The following CLEC3B variants were observed in gnomAD, a reference collection of about 807,000 sequenced individuals.
The protein encoded by CLEC3B is tetranectin.
Under a neutral mutation model 15.4 loss-of-function variants are expected in CLEC3B, and 13 were observed. The observed-to-expected ratio is 0.84, with a 90% CI of 0.55 to 1.34. CLEC3B has a LOEUF of 1.34. Among genes scored for constraint, CLEC3B ranks in the 40% most tolerant of loss-of-function variants. The pLI, the probability that CLEC3B is intolerant of heterozygous loss-of-function variation, is 0.00. For synonymous variants in CLEC3B, 112 were observed against 114.7 expected (o/e 0.98, Z 0.15); for missense variants, 242 against 268.6 (o/e 0.90, Z 0.69).
chr3:45,030,225 G>T lies in CLEC3B; in HGVS notation c.110-602G>T, dbSNP rs1057221531. ...AGTAGCTGTGATGGGCACACACTCA[G>T]CCAAGCACTGAGGTAGGCAGCTCTG... On this transcript the variant is annotated intron_variant, in intron 1 of 2. Transcript: ENST00000296130. 2.5e-5 allele frequency: 25 copies of T among 986,206 alleles called. No homozygotes were observed. The African/African-American group carries it at 4.4e-4, about 17-fold the overall frequency. The allele number at this position is 986,206 out of a possible 1,614,324, so 61.1% of individuals were successfully genotyped here.
intron 1 of CLEC3B, among the ~76,000 whole-genome samples, chr3:45,028,045 A>G (rs1340285957): frequency 1.3e-5 from 2 of 152,140 alleles, no homozygotes; most frequent in Non-Finnish European, 2.9e-5. Context: ...TTCCAGGGCT[A>G]CAGGCCAACA....
At chr3:45,027,939 A>G (rs9817054) in intron 1 of CLEC3B, among the ~76,000 whole-genome samples, 20,698 of 152,034 alleles carry the variant, frequency 0.14, 1,820 homozygotes, top group African/African-American at 0.25. Context: ...CTCATGTTAA[A>G]AAAAAAAGGG....
rs1697483913 is a variant in CLEC3B, at chr3:45,026,380, C to T, written c.18C>T (p.Ala6=). The T allele has an allele frequency of 3.7e-6, 6 of 1,613,880 alleles. No individual in the cohort carries two copies. Among genetic ancestry groups the T allele is most frequent in the Non-Finnish European group, 4.2e-6 (5 of 1,179,994 alleles). MELWG[A]YLLLCLFSLL... ...GCAGCAGCATGGAGCTCTGGGGGGC[C>T]TACCTCCTCCTCTGCCTCTTCTCCC... The change falls in exon 1 of 3, where the codon GCC becomes GCT. Residue 6 remains alanine, a synonymous_variant. Coordinates refer to ENST00000296130, the MANE Select transcript of CLEC3B (RefSeq NM_003278.3).
At chr3:45,030,684 A>G in intron 1 of CLEC3B, 143 bp from the exon 2 acceptor site, 2 of 621,406 alleles carry the variant, frequency 3.2e-6, no homozygotes, top group South Asian at 3.9e-5. Flanking sequence ...TAATTAGACT[A>G]CCACCAGCAA....
In CLEC3B at chr3:45,035,760, G is replaced by A. The variant is rs150574610; in HGVS notation, c.445G>A (p.Gly149Ser). Residue 149 changes from glycine to serine, a missense_variant, in exon 3 of 3, where the codon GGC becomes AGC. Gly to Ser is a moderately conservative substitution (Grantham distance 56). Coordinates refer to ENST00000296130, the MANE Select transcript of CLEC3B (RefSeq NM_003278.3). ...CGAGGGCACCTGGGTGGACATGACC[G>A]GCGCCCGCATCGCCTACAAGAACTG... ...AAEGTWVDMTGARIAYKNWET... is the reference protein window; with the variant it reads ...AAEGTWVDMTSARIAYKNWET... The A allele has an allele frequency of 5.1e-5, 82 of 1,613,712 alleles. No homozygotes were observed. Among genetic ancestry groups the A allele is most frequent in the Non-Finnish European group, 6.3e-5 (74 of 1,179,974 alleles).
intron 1 of CLEC3B, among the ~76,000 whole-genome samples, chr3:45,029,836 A>G (rs760125573): frequency 1.3e-5 from 2 of 152,168 alleles, no homozygotes; most frequent in Non-Finnish European, 2.9e-5. Flanking sequence ...TTACACACAC[A>G]TAGAAATATG....
At position 45,036,022 on chromosome 3, in the gene CLEC3B, G is replaced by T. The variant is rs1697640909; in HGVS notation, c.*98G>T. ...CTTGCAGCCCCCATCCTCTCCGTGC[G>T]CTTGGAGCCTCTTTTTGCAAATAAA... On this transcript the variant is annotated 3_prime_UTR_variant, in exon 3 of 3. Transcript: ENST00000296130. The T allele has an allele frequency of 1.5e-6, 2 of 1,316,376 alleles. No individual in the cohort carries two copies. The highest frequency in any genetic ancestry group is 3.0e-5 in the African/African-American group (2 of 67,504). 81.5% of individuals were successfully genotyped at this position (1,316,376 alleles called of 1,614,324 possible).
intron 1 of CLEC3B, among the ~76,000 whole-genome samples, chr3:45,029,813 C>T (rs968370411): frequency 5.3e-5 from 8 of 152,168 alleles, no homozygotes; most frequent in Non-Finnish European, 7.3e-5. Context: ...ATATGCTTCC[C>T]GGCACCCTCA....
chr3:45,031,972 G>A (rs146124870), intron 2 of CLEC3B, among the ~76,000 whole-genome samples: 80 of 151,804 alleles, frequency 5.3e-4, no homozygotes, highest in African/African-American at 1.9e-3. Context: ...CAGCACACCC[G>A]TGCAGTGGTC....
intron 1 of CLEC3B, among the ~76,000 whole-genome samples, chr3:45,029,747 T>C (rs1697529148): frequency 6.6e-6 from 1 of 152,172 alleles, no homozygotes; most frequent in African/African-American, 2.4e-5. Flanking sequence ...GAAGCCCTGG[T>C]GTTTCAGAAA....
chr3:45,030,467 C>G (rs1178423271), intron 1 of CLEC3B, among the ~76,000 whole-genome samples: 1 of 152,188 alleles, frequency 6.6e-6, no homozygotes, highest in African/African-American at 2.4e-5. Context: ...CTGGGGGCTT[C>G]TTGAGGGCTC....
At chr3:45,030,279 G>A in intron 1 of CLEC3B, 3 of 945,608 alleles carry the variant, frequency 3.2e-6, no homozygotes, top group Non-Finnish European at 3.8e-6. Context: ...CTTCTCCAGA[G>A]TCCTAGGAGG....
At chr3:45,030,244 AG>A in intron 1 of CLEC3B, 1 of 985,564 alleles carries the variant, frequency 1.0e-6, no homozygotes, top group Non-Finnish European at 1.2e-6. Flanking sequence ...TGAGGTAGGC[AG>A]CTCTGCGTTT....
intron 2 of CLEC3B, 92 bp downstream of exon 2, chr3:45,031,017 A>T: frequency 1.1e-6 from 1 of 873,268 alleles, no homozygotes; most frequent in South Asian, 1.6e-5. Flanking sequence ...TCCGTTCAGC[A>T]TCAGGGTCCT....
intron 1 of CLEC3B, chr3:45,030,046 A>G (rs6805138): frequency 0.99 from 514,112 of 520,168 alleles, 254,364 homozygotes; most frequent in East Asian, 1. Context: ...GGGTTTCCTC[A>G]TGGTGAAATG....
intron 1 of CLEC3B, 120 bp downstream of exon 1, chr3:45,026,591 A>G (rs1697488909): frequency 2.3e-6 from 2 of 864,058 alleles, no homozygotes; most frequent in Admixed American, 4.5e-5. Flanking sequence ...GAACTTGAGT[A>G]AAGTGGGCTT....
chr3:45,030,395 C>A (rs781259915), intron 1 of CLEC3B, among the ~76,000 whole-genome samples: 8 of 152,204 alleles, frequency 5.3e-5, no homozygotes, highest in African/African-American at 1.9e-4. Context: ...CCTGCATATG[C>A]GTGCCCCAGG....
At chr3:45,029,705 C>A (rs1009887534) in intron 1 of CLEC3B, among the ~76,000 whole-genome samples, 1 of 152,188 alleles carries the variant, frequency 6.6e-6, no homozygotes, top group African/African-American at 2.4e-5. Flanking sequence ...TGTTTCCCCA[C>A]CCACTTCCCC....
intron 1 of CLEC3B, among the ~76,000 whole-genome samples, chr3:45,029,843 T>C (rs954735288): frequency 6.6e-6 from 1 of 152,134 alleles, no homozygotes; most frequent in Non-Finnish European, 1.5e-5. Context: ...CACATAGAAA[T>C]ATGCTTCCCC....
Sources: allele counts gnomAD v4.1 joint callset (sites outside exome capture counted in the v4.1 genomes callset), GRCh38; gene constraint gnomAD v4.1.1; transcripts MANE v1.5; gene names NCBI Gene and HGNC (gene_info 2026-07-23, HGNC 2026-07-21).